Variants in NAPG observed in about 807,000 individuals in gnomAD.
The protein encoded by NAPG is gamma-soluble NSF attachment protein.
In NAPG, 25 loss-of-function variants were observed where a neutral mutation model predicts 48.4. The observed-to-expected ratio is 0.52, with a 90% CI of 0.38 to 0.72. The LOEUF (loss-of-function observed/expected upper bound fraction) is 0.72. Among genes scored for constraint, NAPG ranks in the 30% least tolerant of loss-of-function variants. NAPG has a pLI of 0.00. For missense variants in NAPG, 359 were observed against 372.5 expected (o/e 0.96, Z 0.30); for synonymous variants, 139 against 127.2 (o/e 1.09, Z -0.62).
At chr18:10,547,181 T>C (rs11873733) in intron 9 of NAPG, among the ~76,000 whole-genome samples, 17 of 152,214 alleles carry the variant, frequency 1.1e-4, no homozygotes, top group Middle Eastern at 3.2e-3. Flanking sequence ...GGCTTATGCA[T>C]GGAACAGGCC....
rs2032389978 is a variant in NAPG, at chr18:10,551,350, TAA to T, written c.*1131_*1132del. On this transcript the variant is annotated 3_prime_UTR_variant, in exon 12 of 12. Coordinates refer to ENST00000322897, the MANE Select transcript of NAPG (RefSeq NM_003826.3). ...TTGATTGTTTATTTTATTTTGATTG[TAA>T]CTCCGTCATAACTTGACATGGAAAA... The T allele has an allele frequency of 6.6e-6, 1 of 152,238 alleles. No homozygotes were observed. Among genetic ancestry groups the T allele is most frequent in the African/African-American group, 2.4e-5 (1 of 41,458 alleles). The allele number at this position is 152,238 out of a possible 1,614,324, so 9.4% of individuals were successfully genotyped here. A position where few individuals can be genotyped will look rare whatever the true frequency, so the allele number is the denominator to read the frequency against.
In NAPG at chr18:10,548,633, GA is replaced by G. The variant is rs977360624; in HGVS notation, c.665+262del. Among the ~76,000 whole-genome samples the G allele has an allele frequency of 1.4e-4, 21 of 148,822 alleles. No individual in the cohort carries two copies. The highest frequency in any genetic ancestry group is 5.2e-4 in the African/African-American group (21 of 40,310). On this transcript the variant is annotated intron_variant, in intron 10 of 11. Coordinates refer to ENST00000322897, the MANE Select transcript of NAPG (RefSeq NM_003826.3). This position sits in a 1 kb window ranked among gnomAD's most constrained non-coding sequence, Gnocchi z 4.4. ...TTTAGTCATTTTATTTGCCTTCTAAGAAAAAAAGAACAAGAAAAAGGGGGAA... is the reference window on the plus strand; with the variant it reads ...TTTAGTCATTTTATTTGCCTTCTAAGAAAAAAGAACAAGAAAAAGGGGGAA...
rs969728479 is a variant in NAPG at position 10,539,654 on chromosome 18, A to G, written c.259-108A>G. 1.6e-5 allele frequency: 14 copies of G among 877,738 alleles called. No homozygotes were observed. In the African/African-American group the frequency reaches 1.9e-4, roughly 12 times the overall value. 54.4% of individuals were successfully genotyped at this position (877,738 alleles called of 1,614,324 possible). A position where few individuals can be genotyped will look rare whatever the true frequency, so the allele number is the denominator to read the frequency against. ...TGTAACAAACCTGCACATTCTGCAC[A>G]TGTGTCCCAGAACTTAAAATAAAAA... On this transcript the variant is annotated intron_variant, in intron 5 of 11. Coordinates refer to ENST00000322897, the MANE Select transcript of NAPG (RefSeq NM_003826.3). The surrounding 1 kb of genome is among the most constrained non-coding windows in gnomAD (Gnocchi z 4.7).
chr18:10,535,848 T>A (rs2032020847), intron 5 of NAPG, among the ~76,000 whole-genome samples: 1 of 152,220 alleles, frequency 6.6e-6, no homozygotes, highest in East Asian at 1.9e-4. Flanking sequence ...AATAAAGCTT[T>A]TCTGGCCAAA....
At position 10,550,290 on chromosome 18, in the gene NAPG, A is replaced by G. The variant is rs1006212998; in HGVS notation, c.*70A>G. 6.8e-5 allele frequency: 101 copies of G among 1,489,840 alleles called. No homozygotes were observed. Among genetic ancestry groups the G allele is most frequent in the Non-Finnish European group, 1.6e-5 (18 of 1,113,838 alleles). 92.3% of individuals were successfully genotyped at this position (1,489,840 alleles called of 1,614,324 possible). A position where few individuals can be genotyped will look rare whatever the true frequency, so the allele number is the denominator to read the frequency against. ...GACATGCCATTTCAAGGACTTGGGA[A>G]TAGATTAGGGATATCCGTACTTCAT... is the stretch of plus-strand genomic sequence containing the variant. On this transcript the variant is annotated 3_prime_UTR_variant, in exon 12 of 12. Coordinates refer to ENST00000322897, the MANE Select transcript of NAPG (RefSeq NM_003826.3).
intron 1 of NAPG, among the ~76,000 whole-genome samples, chr18:10,527,957 G>A (rs2143085173): frequency 6.6e-6 from 1 of 152,162 alleles, no homozygotes; most frequent in East Asian, 1.9e-4. Context: ...AGGCTGAGGC[G>A]GGTGGATCAC....
chr18:10,526,230 C>CCCG, intron 1 of NAPG, 72 bp downstream of exon 1: 4 of 372,152 alleles, frequency 1.1e-5, no homozygotes, highest in Non-Finnish European at 1.1e-5. Context: ...CCTTAGCACC[C>CCCG]GGGGGGGGCG....
rs750792428 is a variant in NAPG, at chr18:10,540,325, T to G, written c.436-4T>G. 7.4e-6 allele frequency: 12 copies of G among 1,613,154 alleles called. No individual in the cohort carries two copies. Among genetic ancestry groups the G allele is most frequent in the Non-Finnish European group, 1.0e-5 (12 of 1,179,354 alleles). ...CAACACTTGTTTTTCTTTGATTCCT[T>G]CAGAATGAAGAACGCTTACGACAGG... On this transcript the variant is annotated splice_region_variant and splice_polypyrimidine_tract_variant and intron_variant, in intron 7 of 11. Transcript: ENST00000322897.
intron 3 of NAPG, 102 bp from the exon 4 acceptor site, chr18:10,533,434 A>T: frequency 9.9e-7 from 1 of 1,007,892 alleles, no homozygotes; most frequent in East Asian, 2.6e-5. Flanking sequence ...TTTGGAACCA[A>T]CTGGGTCAGT....
At chr18:10,537,975 T>A (rs1233147839) in intron 5 of NAPG, among the ~76,000 whole-genome samples, 2 of 152,204 alleles carry the variant, frequency 1.3e-5, no homozygotes, top group Non-Finnish European at 2.9e-5. Context: ...TAGGCAGATT[T>A]GTAAACCACC....
At chr18:10,529,518 C>A (rs2031885676) in intron 1 of NAPG, among the ~76,000 whole-genome samples, 1 of 152,108 alleles carries the variant, frequency 6.6e-6, no homozygotes, top group Non-Finnish European at 1.5e-5. Context: ...CTTTGGGAGG[C>A]CAAGGTGGGC....
chr18:10,531,401 A>C (rs774877986), intron 2 of NAPG, among the ~76,000 whole-genome samples: 3 of 152,204 alleles, frequency 2.0e-5, no homozygotes, highest in Non-Finnish European at 4.4e-5. Flanking sequence ...ATTTACTAAA[A>C]ATGTAGCATT....
At chr18:10,545,066 C>T (rs2143138611) in intron 8 of NAPG, among the ~76,000 whole-genome samples, 1 of 152,202 alleles carries the variant, frequency 6.6e-6, no homozygotes, top group African/African-American at 2.4e-5. Flanking sequence ...AATCCCAGCA[C>T]TTTGGGGGGC....
At chr18:10,526,430 C>T (rs899943813) in intron 1 of NAPG, 32 of 475,974 alleles carry the variant, frequency 6.7e-5, no homozygotes, top group Non-Finnish European at 1.1e-4. Context: ...CGCAGTGCTG[C>T]GGGGCGAGGG....
rs1389606167 is a variant in NAPG at position 10,550,191 on chromosome 18, G to A, written c.910G>A (p.Glu304Lys). Residue 304 changes from glutamate to lysine, a missense_variant, in exon 12 of 12, where the codon GAA becomes AAA. Transcript: ENST00000322897. ...GVTATAADEE[E>K]DEYSGGLC is the part of the protein sequence containing the mutation. Reference sequence around the variant, plus strand: ...CACTGCCACGGCTGCTGATGAAGAGGAAGATGAATACTCAGGAGGACTATG... The same window carrying A: ...CACTGCCACGGCTGCTGATGAAGAGAAAGATGAATACTCAGGAGGACTATG... 6.3e-7 allele frequency: 1 copy of A among 1,588,704 alleles called. No homozygotes were observed. Among genetic ancestry groups the A allele is most frequent in the African/African-American group, 1.4e-5 (1 of 73,028 alleles).
intron 1 of NAPG, among the ~76,000 whole-genome samples, chr18:10,530,287 A>G (rs1328202829): frequency 7.1e-6 from 1 of 140,902 alleles, no homozygotes; most frequent in Non-Finnish European, 1.5e-5. Context: ...CTGCAGTCTC[A>G]CTAGGGGATC....
chr18:10,532,098 A>G (rs944025973), intron 2 of NAPG, among the ~76,000 whole-genome samples: 9 of 152,214 alleles, frequency 5.9e-5, no homozygotes, highest in Admixed American at 5.2e-4. Flanking sequence ...ATCATATGTT[A>G]TAAGCACTCC....
At chr18:10,535,246 T>C (rs2143106248) in intron 5 of NAPG, among the ~76,000 whole-genome samples, 1 of 152,368 alleles carries the variant, frequency 6.6e-6, no homozygotes, top group Non-Finnish European at 1.5e-5. Context: ...TAATGTGAAC[T>C]TACTCATTTT....
At position 10,534,572 on chromosome 18, in the gene NAPG, G is replaced by A. The variant is rs1176651449; in HGVS notation, c.258+76G>A. The A allele has an allele frequency of 2.7e-6, 4 of 1,455,484 alleles. No homozygotes were observed. The highest frequency in any genetic ancestry group is 1.1e-5 in the South Asian group (1 of 87,192). 90.2% of individuals were successfully genotyped at this position (1,455,484 alleles called of 1,614,324 possible). On this transcript the variant is annotated intron_variant, in intron 5 of 11. Transcript: ENST00000322897. The surrounding 1 kb of genome is among the most constrained non-coding windows in gnomAD (Gnocchi z 5.0). ...AAGGTGTTAAACAAGAATTTTTGTT[G>A]AAGTTGAAAAGCTTCCTTACTGTAA... is the stretch of plus-strand genomic sequence containing the variant.
Sources: allele counts gnomAD v4.1 joint callset (sites outside exome capture counted in the v4.1 genomes callset), GRCh38; gene constraint gnomAD v4.1.1; non-coding constraint Gnocchi (gnomAD v3.1); transcripts MANE v1.5; gene names NCBI Gene and HGNC (gene_info 2026-07-23, HGNC 2026-07-21).